Variants in NDRG4 observed in about 807,000 individuals in gnomAD.
NDRG4 encodes NDRG family member 4, also known as protein NDRG4.
A neutral mutation model predicts 55.8 loss-of-function variants in NDRG4; 38 were observed. That is an observed-to-expected ratio of 0.68 (90% CI 0.53 to 0.89). The LOEUF (loss-of-function observed/expected upper bound fraction) is 0.89. Among genes scored for constraint, NDRG4 ranks in the 40% least tolerant of loss-of-function variants. The probability of loss-of-function intolerance (pLI) is 0.00; values close to 1 mark genes in which losing one functional copy is unlikely to be tolerated. For missense variants in NDRG4, 455 were observed against 468.6 expected, an observed-to-expected ratio of 0.97 and a Z score of 0.27; for synonymous variants, 190 against 182.7, an observed-to-expected ratio of 1.04 and a Z score of -0.32.
intron 5 of NDRG4, 119 bp from the exon 6 acceptor site, chr16:58,506,268 T>G: frequency 1.1e-6 from 1 of 940,678 alleles, no homozygotes. Flanking sequence ...TGGGTGTGCA[T>G]GCACAGACCC....
At chr16:58,494,442 A>G (rs1230463927) in intron 2 of NDRG4, among the ~76,000 whole-genome samples, 1 of 151,918 alleles carries the variant, frequency 6.6e-6, no homozygotes, top group Non-Finnish European at 1.5e-5. Flanking sequence ...TGGTCAGACC[A>G]TGAAAAACAT....
chr16:58,507,082 T>TGAGG, intron 8 of NDRG4, 67 bp downstream of exon 8: 1 of 1,247,498 alleles, frequency 8.0e-7, no homozygotes, highest in Non-Finnish European at 1.2e-6. Flanking sequence ...CACTGCCCCC[T>TGAGG]GAGGGAGGCA....
chr16:58,493,191 C>T (rs773938453), intron 2 of NDRG4, among the ~76,000 whole-genome samples: 1 of 152,190 alleles, frequency 6.6e-6, no homozygotes, highest in East Asian at 1.9e-4. Context: ...TTGTACTTAC[C>T]TAGCTGACTG....
downstream of NDRG4, among the ~76,000 whole-genome samples, chr16:58,514,106 G>C (rs995902434): frequency 1.3e-5 from 2 of 152,098 alleles, no homozygotes; most frequent in East Asian, 1.9e-4. Context: ...CTAAACATAC[G>C]ATCATGTCTG....
intron 1 of NDRG4, among the ~76,000 whole-genome samples, chr16:58,470,096 G>A (rs1355551120): frequency 6.6e-6 from 1 of 152,200 alleles, no homozygotes; most frequent in Non-Finnish European, 1.5e-5. Context: ...TAACAGGATT[G>A]CATGTGGTTT....
Position 58,506,456 on chromosome 16 carries a change from G to A in NDRG4, c.442G>A (p.Asp148Asn). 1 of 1,612,088 alleles carries A rather than the reference G, an allele frequency of 6.2e-7. No homozygotes were observed. Among genetic ancestry groups the A allele is most frequent in the South Asian group, 1.1e-5 (1 of 90,936 alleles). The change falls in exon 6 of 15, where the codon GAC becomes AAC. Residue 148 changes from aspartate to asparagine, a missense_variant. Physicochemically the swap from Asp to Asn is conservative, Grantham distance 23 (BLOSUM62 1). Transcript: ENST00000570248. The stretch of plus-strand genomic sequence containing the variant: ...CGACCCCAATGGCAAAGGCTGGATA[G>A]ACTGGGCTGCCACCAAGGTGTGTGT... ...NIDPNGKGWI[D>N]WAATKLSGLT...
In NDRG4 at chr16:58,506,576, A is replaced by C; in HGVS notation, c.478A>C (p.Thr160Pro). 6.3e-7 allele frequency: 1 copy of C among 1,583,120 alleles called. No homozygotes were observed. The highest frequency in any genetic ancestry group is 8.6e-7 in the Non-Finnish European group (1 of 1,167,380). ...AATKLSGLTSTLPDTVLSHLF... is the reference protein window; with the variant it reads ...AATKLSGLTSPLPDTVLSHLF... Reference sequence around the variant, plus strand: ...CCTGCAGCTCTCCGGCCTAACTAGCACTTTACCCGACACGGTGCTCTCCCA... The same window carrying C: ...CCTGCAGCTCTCCGGCCTAACTAGCCCTTTACCCGACACGGTGCTCTCCCA... The change falls in exon 7 of 15, where the codon ACT (threonine) becomes CCT (proline). Residue 160 changes from threonine (T) to proline (P), a missense_variant. Transcript: ENST00000570248.
chr16:58,476,738 T>C (rs2033694288), intron 1 of NDRG4, among the ~76,000 whole-genome samples: 1 of 152,174 alleles, frequency 6.6e-6, no homozygotes, highest in Non-Finnish European at 1.5e-5. Context: ...AACTCCATGA[T>C]AGAGAGATTA....
chr16:58,512,146 C>T lies in NDRG4; in HGVS notation c.*570C>T, dbSNP rs1024523460. On this transcript the variant is annotated 3_prime_UTR_variant, in exon 15 of 15. Coordinates refer to ENST00000570248, the MANE Select transcript of NDRG4 (RefSeq NM_001242835.2). ...GGGCCCAGCTGGTGCTGTAGGGCCA[C>T]GCAGGCAGGGGCGTCAAGGGGTTTC... 5 of 455,548 alleles carry T rather than the reference C, an allele frequency of 1.1e-5. No individual in the cohort carries two copies. The highest frequency in any genetic ancestry group is 6.9e-5 in the East Asian group (1 of 14,408). The allele number at this position is 455,548 out of a possible 1,614,324, so 28.2% of individuals were successfully genotyped here. A position where few individuals can be genotyped will look rare whatever the true frequency, so the allele number is the denominator to read the frequency against.
At chr16:58,486,873 T>A (rs1248560219) in intron 1 of NDRG4, among the ~76,000 whole-genome samples, 3 of 152,020 alleles carry the variant, frequency 2.0e-5, no homozygotes, top group African/African-American at 7.2e-5. Flanking sequence ...TCCCTGTTGG[T>A]GGCCTGAACT....
chr16:58,506,756 C>T, intron 7 of NDRG4, 142 bp downstream of exon 7: 4 of 1,188,570 alleles, frequency 3.4e-6, no homozygotes, highest in Admixed American at 4.2e-5. Context: ...GACATCCCCT[C>T]CCAAGGCCCC....
intron 7 of NDRG4, 129 bp from the exon 8 acceptor site, chr16:58,506,783 C>T: frequency 8.6e-7 from 1 of 1,163,590 alleles, no homozygotes; most frequent in Non-Finnish European, 1.2e-6. Context: ...CCTACCTGCC[C>T]CCACCCTGTC....
rs192790127 is a variant in NDRG4 at position 58,505,633 on chromosome 16, C to T, written c.373-754C>T. 2.4e-3 allele frequency among the ~76,000 whole-genome samples: 359 copies of T among 151,106 alleles called. 1 individual carries two copies. The highest frequency in any genetic ancestry group is 8.3e-3 in the African/African-American group (342 of 41,200). On this transcript the variant is annotated intron_variant, in intron 5 of 14. Coordinates refer to ENST00000570248, the MANE Select transcript of NDRG4 (RefSeq NM_001242835.2). ...CAGTCTAACAGTTGAAAAGAAAATA[C>T]CTCTTTTGCAATGCCTACGGCAAAA...
intron 1 of NDRG4, among the ~76,000 whole-genome samples, chr16:58,470,768 A>G (rs1453216983): frequency 1.3e-5 from 2 of 152,038 alleles, no homozygotes; most frequent in African/African-American, 4.8e-5. Flanking sequence ...TTAGCCAGGC[A>G]TGTTGGTGCG....
At chr16:58,467,519 T>A (rs541039865) in intron 1 of NDRG4, among the ~76,000 whole-genome samples, 10 of 151,992 alleles carry the variant, frequency 6.6e-5, no homozygotes, top group Admixed American at 6.6e-4. Flanking sequence ...AAAAAAAAAA[T>A]TGATTTAGTT....
chr16:58,507,430 C>T (rs1024478473), intron 8 of NDRG4: 1 of 359,904 alleles, frequency 2.8e-6, no homozygotes, highest in Admixed American at 4.2e-5. Context: ...GGCCCCCTCA[C>T]TCACGTGCCC....
chr16:58,491,948 A>G (rs984762488), intron 2 of NDRG4, among the ~76,000 whole-genome samples: 4 of 150,992 alleles, frequency 2.6e-5, no homozygotes, highest in African/African-American at 7.3e-5. Context: ...TGCCTGTCTC[A>G]TTTTTCTATT....
chr16:58,501,247 AT>A (rs2037057286), intron 1 of NDRG4: 1 of 406,328 alleles, frequency 2.5e-6, no homozygotes, highest in South Asian at 1.4e-4. Context: ...CCCCTGAATT[AT>A]TGATGCGGCT....
At chr16:58,467,827 C>T (rs1043650960) in intron 1 of NDRG4, among the ~76,000 whole-genome samples, 5 of 152,298 alleles carry the variant, frequency 3.3e-5, no homozygotes, top group South Asian at 4.1e-4. Flanking sequence ...TTCTGGCGGG[C>T]GGATAGTTGA....
Sources: gnomAD v4.1 joint callset for allele counts (sites outside exome capture counted in the v4.1 genomes callset) on GRCh38, gnomAD v4.1.1 for gene constraint, MANE v1.5 for transcripts, NCBI Gene and HGNC (gene_info 2026-07-23, HGNC 2026-07-21) for gene names.